Variants in AGBL4 observed in about 807,000 individuals in gnomAD.
AGBL4 encodes cytosolic carboxypeptidase 6.
Under a neutral mutation model 66.4 loss-of-function variants are expected in AGBL4, and 58 were observed. The ratio of observed to expected loss-of-function variants is 0.87; its 90% CI spans 0.71 to 1.09. AGBL4 has a LOEUF of 1.09. Ranked by LOEUF, AGBL4 falls within the 50% of genes least tolerant of loss-of-function variation. The probability of loss-of-function intolerance (pLI) is 0.00; values close to 1 mark genes in which losing one functional copy is unlikely to be tolerated. For missense variants in AGBL4, 579 were observed against 631.0 expected (o/e 0.92, Z 0.88); for synonymous variants, 234 against 222.9 (o/e 1.05, Z -0.44).
intron 3 of AGBL4, among the ~76,000 whole-genome samples, chr1:49,681,191 TC>T (rs2124561002): frequency 6.6e-6 from 1 of 152,352 alleles, no homozygotes; most frequent in East Asian, 1.9e-4. Context: ...TCTAACTGTG[TC>T]ATCTTAATGT....
At chr1:48,912,683 C>G (rs1297310912) in intron 5 of AGBL4, among the ~76,000 whole-genome samples, 1 of 152,160 alleles carries the variant, frequency 6.6e-6, no homozygotes, top group African/African-American at 2.4e-5. Context: ...CCACTGGGCT[C>G]TCTCCCCTGT....
At position 50,009,421 on chromosome 1, in the gene AGBL4, C is replaced by A. The variant is rs563776793; in HGVS notation, c.34+14342G>T. On this transcript the variant is annotated intron_variant, in intron 1 of 13. Coordinates refer to ENST00000371839, the MANE Select transcript of AGBL4 (RefSeq NM_032785.4). ...GAATAAAGGACAAAAACCATATAAT[C>A]GTTTCAATTGATGCCAAAAAGAATT... Among the ~76,000 whole-genome samples the A allele has an allele frequency of 1.1e-4, 17 of 151,864 alleles. No homozygotes were observed. In the South Asian group the frequency reaches 2.7e-3, roughly 24 times the overall value.
At chr1:49,136,467 A>C (rs1396212831) in intron 4 of AGBL4, among the ~76,000 whole-genome samples, 1 of 152,178 alleles carries the variant, frequency 6.6e-6, no homozygotes, top group Non-Finnish European at 1.5e-5. Flanking sequence ...TTGACAGGCA[A>C]CATATTAAAT....
At chr1:48,763,491 T>C (rs1254432514) in intron 6 of AGBL4, among the ~76,000 whole-genome samples, 3 of 152,040 alleles carry the variant, frequency 2.0e-5, no homozygotes, top group African/African-American at 7.2e-5. Flanking sequence ...TATGTGTGTG[T>C]GTGAAAAAAA....
intron 7 of AGBL4, among the ~76,000 whole-genome samples, chr1:48,658,761 C>T (rs1570159125): frequency 6.6e-6 from 1 of 152,132 alleles, no homozygotes; most frequent in Non-Finnish European, 1.5e-5. Context: ...GCAAAGGTCA[C>T]TACCTCATTG....
chr1:49,845,632 C>T, intron 2 of AGBL4: 2 of 1,608,022 alleles, frequency 1.2e-6, no homozygotes, highest in Non-Finnish European at 1.7e-6. Context: ...ACTGATTCAG[C>T]ACCAGAGGAC....
chr1:49,970,447 A>G (rs1037546050), intron 1 of AGBL4, among the ~76,000 whole-genome samples: 4 of 152,188 alleles, frequency 2.6e-5, no homozygotes, highest in Non-Finnish European at 5.9e-5. Flanking sequence ...AAGGAAATGA[A>G]TAACCATTTT....
intron 6 of AGBL4, among the ~76,000 whole-genome samples, chr1:48,694,578 G>A (rs1646685952): frequency 6.6e-6 from 1 of 152,128 alleles, no homozygotes; most frequent in Non-Finnish European, 1.5e-5. Context: ...TTCCTGCAAT[G>A]GTCCTTTCAT....
chr1:49,360,243 A>G (rs1317163398), intron 3 of AGBL4, among the ~76,000 whole-genome samples: 1 of 152,216 alleles, frequency 6.6e-6, no homozygotes. Flanking sequence ...ACTTTCTGCT[A>G]TTAACTAGCT....
intron 1 of AGBL4, among the ~76,000 whole-genome samples, chr1:49,959,936 T>C (rs955068827): frequency 1.3e-5 from 2 of 152,024 alleles, no homozygotes; most frequent in African/African-American, 4.8e-5. Flanking sequence ...AAACACTGTA[T>C]GTTCTCACTT....
chr1:49,255,505 T>A (rs1455896602), intron 3 of AGBL4, among the ~76,000 whole-genome samples: 2 of 152,014 alleles, frequency 1.3e-5, no homozygotes, highest in Non-Finnish European at 2.9e-5. Flanking sequence ...CATTAAAATG[T>A]CAAAAAATAG....
At chr1:49,735,490 T>C (rs1007584111) in intron 2 of AGBL4, among the ~76,000 whole-genome samples, 1 of 151,898 alleles carries the variant, frequency 6.6e-6, no homozygotes, top group African/African-American at 2.4e-5. Context: ...CCTATAATTT[T>C]ATATTATCAT....
intron 1 of AGBL4, chr1:49,994,958 G>A (rs1286550101): frequency 2.8e-6 from 1 of 362,132 alleles, no homozygotes; most frequent in Non-Finnish European, 5.4e-6. Context: ...TATAGGAATA[G>A]AGGAAGCAGA....
chr1:48,949,859 T>C (rs1277337548), intron 5 of AGBL4, among the ~76,000 whole-genome samples: 5 of 152,176 alleles, frequency 3.3e-5, no homozygotes, highest in Admixed American at 6.5e-5. Context: ...TAATTGAACA[T>C]TTTAAATTAC....
chr1:49,715,539 C>T (rs1015078082), intron 2 of AGBL4, among the ~76,000 whole-genome samples: 9 of 152,142 alleles, frequency 5.9e-5, no homozygotes, highest in Non-Finnish European at 1.2e-4. Flanking sequence ...GGAATTGCCA[C>T]ACTGTCTTCC....
At chr1:48,611,124 GC>G (rs1645231709) in intron 9 of AGBL4, among the ~76,000 whole-genome samples, 1 of 152,248 alleles carries the variant, frequency 6.6e-6, no homozygotes, top group Non-Finnish European at 1.5e-5. Context: ...TCTGTCAGCT[GC>G]CCTGATATCT....
intron 3 of AGBL4, among the ~76,000 whole-genome samples, chr1:49,622,395 C>T (rs893687872): frequency 5.9e-5 from 9 of 151,616 alleles, no homozygotes; most frequent in Non-Finnish European, 1.0e-4. Flanking sequence ...TTTGGGAGGC[C>T]GAGGCGGGCG....
chr1:50,002,829 A>G (rs1011909732), intron 1 of AGBL4, among the ~76,000 whole-genome samples: 10 of 152,210 alleles, frequency 6.6e-5, no homozygotes, highest in Non-Finnish European at 1.2e-4. Context: ...AAGAGCCTCA[A>G]ATTTCCTATG....
chr1:49,772,638 A>C (rs1431860177), intron 2 of AGBL4, among the ~76,000 whole-genome samples: 1 of 152,088 alleles, frequency 6.6e-6, no homozygotes, highest in African/African-American at 2.4e-5. Flanking sequence ...TTCTTTGCTC[A>C]TGATTTTCTT....
Sources: allele counts gnomAD v4.1 joint callset (sites outside exome capture counted in the v4.1 genomes callset), GRCh38; gene constraint gnomAD v4.1.1; transcripts MANE v1.5; gene names NCBI Gene and HGNC (gene_info 2026-07-23, HGNC 2026-07-21).